The following AKAP6 variants were observed in gnomAD, a reference collection of about 807,000 sequenced individuals.
AKAP6 encodes A-kinase anchoring protein 6.
AKAP6 carries 58 observed loss-of-function variants against 188.5 expected under a neutral mutation model. That is an observed-to-expected ratio of 0.31 (90% CI 0.25 to 0.38). The LOEUF (loss-of-function observed/expected upper bound fraction) is 0.38. Among genes scored for constraint, AKAP6 ranks in the 10% least tolerant of loss-of-function variants. AKAP6 has a pLI of 1.00. For missense variants in AKAP6, 2,710 were observed against 2,740.0 expected (o/e 0.99, Z 0.24); for synonymous variants, 989 against 998.6 (o/e 0.99, Z 0.18).
intron 1 of AKAP6, among the ~76,000 whole-genome samples, chr14:32,394,690 G>A (rs1427977930): frequency 1.3e-5 from 2 of 152,112 alleles, no homozygotes; most frequent in African/African-American, 4.8e-5. Flanking sequence ...TTTGTTTGTT[G>A]CATGTGTCTG....
At chr14:32,530,908 C>CA (rs933165861) in intron 2 of AKAP6, among the ~76,000 whole-genome samples, 1 of 151,678 alleles carries the variant, frequency 6.6e-6, no homozygotes, top group Non-Finnish European at 1.5e-5. Flanking sequence ...AAACAAAAAA[C>CA]AAAAAAACCA....
Position 32,546,547 on chromosome 14 carries a change from G to A in AKAP6, c.1894G>A (p.Ala632Thr), listed in dbSNP as rs774462881. 4 of 1,614,016 alleles carry A rather than the reference G, an allele frequency of 2.5e-6. No individual in the cohort carries two copies. The African/African-American group carries it at 5.3e-5, about 22-fold the overall frequency. Residue 632 changes from alanine to threonine, a missense_variant, in exon 4 of 14, where the codon GCA (alanine) becomes ACA (threonine). Physicochemically the swap from Ala to Thr is moderately conservative, Grantham distance 58. This residue lies in a region of AKAP6 where 2,473 missense variants were observed against 2,426.1 expected (regional missense o/e 1.02). Transcript: ENST00000280979. ...CTGGTATGGCTCTGATGAATACCTA[G>A]CACTGCCCTCTCACCTTAAGCAGAC... ...EAWYGSDEYL[A>T]LPSHLKQTEV...
chr14:32,385,653 T>C (rs917047552), intron 1 of AKAP6, among the ~76,000 whole-genome samples: 4 of 151,528 alleles, frequency 2.6e-5, no homozygotes, highest in African/African-American at 9.7e-5. Context: ...AGTGAGAACA[T>C]ACAATGTTTT....
chr14:32,409,891 T>C (rs1259694409), intron 1 of AKAP6, among the ~76,000 whole-genome samples: 1 of 152,154 alleles, frequency 6.6e-6, no homozygotes, highest in East Asian at 1.9e-4. Flanking sequence ...TTTTTTTTCT[T>C]ATTTTGCCCA....
At chr14:32,542,734 G>C (rs2139142201) in intron 3 of AKAP6, among the ~76,000 whole-genome samples, 1 of 152,324 alleles carries the variant, frequency 6.6e-6, no homozygotes, top group South Asian at 2.1e-4. Context: ...TGTGGCCAGT[G>C]AGGGGAGAAT....
chr14:32,606,803 T>C (rs1490682214), intron 7 of AKAP6, among the ~76,000 whole-genome samples: 1 of 152,206 alleles, frequency 6.6e-6, no homozygotes, highest in Non-Finnish European at 1.5e-5. Context: ...AGGTCATCAA[T>C]GTTATCTGTT....
In AKAP6 at chr14:32,835,241, A is replaced by C. The variant is rs1189266885; in HGVS notation, c.*5436A>C. ...GATTTCCATTTGCAAATTCAGTGTA[A>C]GACATAAACACCGGCAATAGTTGTG... On this transcript the variant is annotated 3_prime_UTR_variant, in exon 14 of 14. Coordinates refer to ENST00000280979, the MANE Select transcript of AKAP6 (RefSeq NM_004274.5). 1.3e-5 allele frequency: 2 copies of C among 151,402 alleles called. No individual in the cohort carries two copies. Among genetic ancestry groups the C allele is most frequent in the African/African-American group, 4.8e-5 (2 of 41,308 alleles). 9.4% of individuals were successfully genotyped at this position (151,402 alleles called of 1,614,324 possible).
chr14:32,397,221 C>T (rs1450270699), intron 1 of AKAP6, among the ~76,000 whole-genome samples: 1 of 152,130 alleles, frequency 6.6e-6, no homozygotes, highest in Non-Finnish European at 1.5e-5. Context: ...AAGCATGCTG[C>T]CTTTTATGCC....
intron 7 of AKAP6, among the ~76,000 whole-genome samples, chr14:32,613,910 G>A (rs1342692757): frequency 1.3e-5 from 2 of 152,118 alleles, no homozygotes; most frequent in East Asian, 3.8e-4. Context: ...GACTAAATAT[G>A]ACTGAACAGA....
rs895348357 is a variant in AKAP6, at chr14:32,745,428, T to C, written c.3372+9546T>C. Among the ~76,000 whole-genome samples, 4 of 152,252 alleles carry C rather than the reference T, an allele frequency of 2.6e-5. No individual in the cohort carries two copies. The South Asian group carries it at 8.3e-4, about 32-fold the overall frequency. ...TGCCAGGCAGAGACTCTTGTTTTTTTCCCTTACTTTCTGCCAAACAAATAT... is the reference window on the plus strand; with the variant it reads ...TGCCAGGCAGAGACTCTTGTTTTTTCCCCTTACTTTCTGCCAAACAAATAT... On this transcript the variant is annotated intron_variant, in intron 11 of 13. Coordinates refer to ENST00000280979, the MANE Select transcript of AKAP6 (RefSeq NM_004274.5).
chr14:32,343,404 A>C (rs1299078037), intron 1 of AKAP6, among the ~76,000 whole-genome samples: 2 of 151,836 alleles, frequency 1.3e-5, no homozygotes, highest in East Asian at 3.9e-4. Context: ...TTTCTGTTCC[A>C]ATTCCAGACC....
At chr14:32,607,398 CA>C (rs1384784115) in intron 7 of AKAP6, among the ~76,000 whole-genome samples, 1 of 152,100 alleles carries the variant, frequency 6.6e-6, no homozygotes, top group African/African-American at 2.4e-5. Context: ...CTTCCTCATG[CA>C]AACAAGAGCA....
At chr14:32,483,041 A>G (rs72667925) in intron 2 of AKAP6, among the ~76,000 whole-genome samples, 5,732 of 143,464 alleles carry the variant, frequency 0.04, 146 homozygotes, top group South Asian at 0.087. Context: ...TTTGTTAGAT[A>G]TAACCAAATT....
intron 11 of AKAP6, among the ~76,000 whole-genome samples, chr14:32,771,754 T>C (rs771088136): frequency 6.6e-6 from 1 of 152,236 alleles, no homozygotes; most frequent in Non-Finnish European, 1.5e-5. Flanking sequence ...GTTATTATGC[T>C]AGTTAACTTT....
intron 2 of AKAP6, among the ~76,000 whole-genome samples, chr14:32,529,178 TTGTAC>T (rs1161530106): frequency 1.3e-5 from 2 of 152,204 alleles, no homozygotes; most frequent in Non-Finnish European, 2.9e-5. Flanking sequence ...CATATAGATC[TTGTAC>T]ATATGTTTTT....
At chr14:32,683,382 G>C (rs1322873631) in intron 8 of AKAP6, among the ~76,000 whole-genome samples, 8 of 152,272 alleles carry the variant, frequency 5.3e-5, no homozygotes, top group Admixed American at 5.2e-4. Context: ...AGCATGTGGA[G>C]ACTAGATGGA....
At chr14:32,350,823 TTTTTTAAA>T (rs1416989809) in intron 1 of AKAP6, among the ~76,000 whole-genome samples, 1 of 152,138 alleles carries the variant, frequency 6.6e-6, no homozygotes, top group African/African-American at 2.4e-5. Flanking sequence ...TACAGATTTA[TTTTTTAAA>T]AATCAGAGGA....
chr14:32,830,247 G>A lies in AKAP6; in HGVS notation c.*442G>A. 1 of 340,666 alleles carries A rather than the reference G, an allele frequency of 2.9e-6. No homozygotes were observed. Among genetic ancestry groups the A allele is most frequent in the Non-Finnish European group, 5.3e-6 (1 of 189,416 alleles). 21.1% of individuals were successfully genotyped at this position (340,666 alleles called of 1,614,324 possible). On this transcript the variant is annotated 3_prime_UTR_variant, in exon 14 of 14. Transcript: ENST00000280979. ...TTGACCAATTTCATGTATCAATCTG[G>A]ATTTTTTTTTAACGGTATAATGACT... is the stretch of plus-strand genomic sequence containing the variant.
intron 1 of AKAP6, chr14:32,375,971 A>T (rs564028193): frequency 6.6e-6 from 1 of 152,290 alleles, no homozygotes; most frequent in South Asian, 2.1e-4. Flanking sequence ...AATGCTCCAT[A>T]TTTTCTGCAC....
Sources: gnomAD v4.1 joint callset for allele counts (sites outside exome capture counted in the v4.1 genomes callset) on GRCh38, gnomAD v4.1.1 for gene constraint, gnomAD v4.1.1 regional missense constraint, MANE v1.5 for transcripts, NCBI Gene and HGNC (gene_info 2026-07-23, HGNC 2026-07-21) for gene names.